The following PABPC4L variants were observed in gnomAD, a reference collection of about 807,000 sequenced individuals.
The protein encoded by PABPC4L is polyadenylate-binding protein 4-like.
For synonymous variants in PABPC4L, 169 were observed against 164.1 expected, an observed-to-expected ratio of 1.03 and a Z score of -0.23; for missense variants, 452 against 451.4, an observed-to-expected ratio of 1.00 and a Z score of -0.01.
At chr4:134,092,411 T>C in the PABPC4L span, among the ~76,000 whole-genome samples, 3 of 151,936 alleles carry the variant, frequency 2.0e-5, no homozygotes, top group Non-Finnish European at 4.4e-5. Context: ...CCTATCCCAC[T>C]GAGAGCCACC....
the PABPC4L span, among the ~76,000 whole-genome samples, chr4:134,031,467 G>A: frequency 6.6e-6 from 1 of 151,810 alleles, no homozygotes; most frequent in Admixed American, 6.6e-5. Flanking sequence ...TGAATTTTTT[G>A]TAAAATAGAC....
the PABPC4L span, among the ~76,000 whole-genome samples, chr4:134,053,431 T>G: frequency 6.6e-6 from 1 of 152,112 alleles, no homozygotes; most frequent in Non-Finnish European, 1.5e-5. Context: ...TTCACATGCA[T>G]GCAAAGCAAG....
chr4:134,009,469 T>C, the PABPC4L span, among the ~76,000 whole-genome samples: 14 of 152,114 alleles, frequency 9.2e-5, no homozygotes, highest in Non-Finnish European at 8.8e-5. Context: ...AATTGTTACA[T>C]TGAAATTTGG....
chr4:134,164,391 C>A, the PABPC4L span, among the ~76,000 whole-genome samples: 228 of 151,100 alleles, frequency 1.5e-3, 1 homozygote, highest in African/African-American at 5.1e-3. Flanking sequence ...AAAGACAACT[C>A]CAAAAGACTC....
At chr4:134,032,606 TAAA>T in the PABPC4L span, among the ~76,000 whole-genome samples, 1 of 151,788 alleles carries the variant, frequency 6.6e-6, no homozygotes, top group Non-Finnish European at 1.5e-5. Context: ...AAAATGAAAT[TAAA>T]AGAAGTAAGC....
chr4:133,965,644 GA>G, the PABPC4L span, among the ~76,000 whole-genome samples: 2 of 152,100 alleles, frequency 1.3e-5, no homozygotes, highest in Non-Finnish European at 2.9e-5. Context: ...ACAGAATAGA[GA>G]ATCCAGAAAT....
At chr4:134,117,590 T>C in the PABPC4L span, among the ~76,000 whole-genome samples, 1 of 151,708 alleles carries the variant, frequency 6.6e-6, no homozygotes, top group East Asian at 1.9e-4. Flanking sequence ...GTTTGAACTA[T>C]TAAAATTGGG....
At chr4:134,116,112 C>A in the PABPC4L span, among the ~76,000 whole-genome samples, 4 of 151,620 alleles carry the variant, frequency 2.6e-5, no homozygotes, top group Non-Finnish European at 5.9e-5. Context: ...ACAGAAAGAA[C>A]AATTAATAGG....
chr4:134,062,655 T>C, the PABPC4L span, among the ~76,000 whole-genome samples: 1 of 152,098 alleles, frequency 6.6e-6, no homozygotes, highest in African/African-American at 2.4e-5. Flanking sequence ...GGCTTACAAA[T>C]GGTAGATGAT....
the PABPC4L span, among the ~76,000 whole-genome samples, chr4:134,169,036 T>C: frequency 2.0e-5 from 3 of 152,042 alleles, no homozygotes; most frequent in Non-Finnish European, 4.4e-5. Context: ...CCAATCAACA[T>C]ATATGCAGAA....
chr4:134,086,614 T>C, the PABPC4L span, among the ~76,000 whole-genome samples: 172 of 152,032 alleles, frequency 1.1e-3, 1 homozygote, highest in Non-Finnish European at 2.1e-3. Flanking sequence ...AGCAGGGAGA[T>C]AGTTCCAGAA....
At chr4:134,028,137 G>A in the PABPC4L span, among the ~76,000 whole-genome samples, 1 of 152,046 alleles carries the variant, frequency 6.6e-6, no homozygotes, top group African/African-American at 2.4e-5. Flanking sequence ...CAGAAACTCT[G>A]AATCAGAAAC....
chr4:134,188,895 C>A, the PABPC4L span, among the ~76,000 whole-genome samples: 2 of 151,660 alleles, frequency 1.3e-5, no homozygotes, highest in Non-Finnish European at 2.9e-5. Flanking sequence ...TCTTTTGTTT[C>A]ATTCTCTCTT....
chr4:134,080,392 T>C, the PABPC4L span, among the ~76,000 whole-genome samples: 17,698 of 152,224 alleles, frequency 0.12, 1,418 homozygotes, highest in Admixed American at 0.19. Context: ...TTATCCAGCA[T>C]TGATTTTTAC....
the PABPC4L span, among the ~76,000 whole-genome samples, chr4:134,105,412 G>T: frequency 1.3e-5 from 2 of 151,530 alleles, no homozygotes; most frequent in Admixed American, 1.3e-4. Flanking sequence ...AATAATAGGT[G>T]TATTAATATT....
the PABPC4L span, among the ~76,000 whole-genome samples, chr4:133,961,823 G>C: frequency 6.6e-6 from 1 of 152,096 alleles, no homozygotes. Context: ...GTCCATTGCC[G>C]CTCCCAATCA....
At chr4:134,062,860 A>G in the PABPC4L span, among the ~76,000 whole-genome samples, 1 of 152,122 alleles carries the variant, frequency 6.6e-6, no homozygotes, top group Non-Finnish European at 1.5e-5. Flanking sequence ...TCATTCTACC[A>G]AAACTAATAT....
the PABPC4L span, among the ~76,000 whole-genome samples, chr4:134,177,189 T>A: frequency 3.5e-5 from 5 of 142,730 alleles, no homozygotes; most frequent in Non-Finnish European, 6.0e-5. Flanking sequence ...TTCTTTTCTT[T>A]TTTTTTTTTT....
chr4:134,061,906 A>AT, the PABPC4L span, among the ~76,000 whole-genome samples: 6 of 151,934 alleles, frequency 3.9e-5, no homozygotes, highest in African/African-American at 7.2e-5. Flanking sequence ...AGAAAATATT[A>AT]TTAAAGATTT....
Sources: allele counts gnomAD v4.1 joint callset (sites outside exome capture counted in the v4.1 genomes callset), GRCh38; gene constraint gnomAD v4.1.1; transcripts MANE v1.5; gene names NCBI Gene and HGNC (gene_info 2026-07-23, HGNC 2026-07-21).